The following GRAMD1B variants were observed in gnomAD, a reference collection of about 807,000 sequenced individuals.
The protein encoded by GRAMD1B is protein Aster-B.
Under a neutral mutation model 99.7 loss-of-function variants are expected in GRAMD1B, and 37 were observed. The observed-to-expected ratio is 0.37, with a 90% CI of 0.29 to 0.49. GRAMD1B has a LOEUF of 0.49. Among genes scored for constraint, GRAMD1B ranks in the 20% least tolerant of loss-of-function variants. The probability of loss-of-function intolerance (pLI) is 0.98; values close to 1 mark genes in which losing one functional copy is unlikely to be tolerated. For synonymous variants in GRAMD1B, 427 were observed against 387.6 expected (o/e 1.10, Z -1.19); for missense variants, 888 against 1,009.2 (o/e 0.88, Z 1.63).
intron 1 of GRAMD1B, among the ~76,000 whole-genome samples, chr11:123,449,036 G>A (rs1311100587): frequency 6.6e-6 from 1 of 152,162 alleles, no homozygotes; most frequent in Non-Finnish European, 1.5e-5. Flanking sequence ...CTTATTTCCA[G>A]GTTTCATCAA....
At chr11:123,408,820 G>A (rs966874386) in intron 1 of GRAMD1B, among the ~76,000 whole-genome samples, 3 of 152,300 alleles carry the variant, frequency 2.0e-5, no homozygotes, top group East Asian at 1.9e-4. Context: ...GCCTCCTAAC[G>A]CTGATGCTGA....
intron 8 of GRAMD1B, among the ~76,000 whole-genome samples, chr11:123,602,427 T>G (rs2136760965): frequency 6.6e-6 from 1 of 152,274 alleles, no homozygotes; most frequent in Non-Finnish European, 1.5e-5. Flanking sequence ...AACGTGCAGG[T>G]TAGTTCTATG....
intron 7 of GRAMD1B, chr11:123,597,842 A>C (rs1148099): frequency 0.88 from 604,553 of 686,106 alleles, 266,951 homozygotes; most frequent in East Asian, 0.99. Context: ...CATGAAACTA[A>C]GTAGCAAAAG....
chr11:123,386,978 G>T (rs1947086891), intron 1 of GRAMD1B, among the ~76,000 whole-genome samples: 2 of 152,218 alleles, frequency 1.3e-5, no homozygotes, highest in Non-Finnish European at 2.9e-5. Flanking sequence ...GGAATGCCTA[G>T]TCCATTTCAT....
Position 123,584,309 on chromosome 11 carries a change from C to T in GRAMD1B, c.664-3C>T. ...TACCTTCTCTTTCATTTTCTCTTTT[C>T]AGAAAAGCCAGAGTTGGTATAATGT... On this transcript the variant is annotated splice_region_variant and splice_polypyrimidine_tract_variant and intron_variant, in intron 3 of 19. Transcript: ENST00000635736. 1.0e-6 allele frequency: 1 copy of T among 961,196 alleles called. No homozygotes were observed. Among genetic ancestry groups the T allele is most frequent in the Non-Finnish European group, 1.3e-6 (1 of 768,874 alleles). 59.5% of individuals were successfully genotyped at this position (961,196 alleles called of 1,614,324 possible).
chr11:123,555,131 G>A (rs1946046691), intron 2 of GRAMD1B, among the ~76,000 whole-genome samples: 1 of 152,196 alleles, frequency 6.6e-6, no homozygotes, highest in Admixed American at 6.5e-5. Context: ...CGGCAAAGAA[G>A]AAACGTTGAC....
At chr11:123,556,250 A>G (rs1946169783) in intron 2 of GRAMD1B, among the ~76,000 whole-genome samples, 1 of 152,242 alleles carries the variant, frequency 6.6e-6, no homozygotes, top group South Asian at 2.1e-4. Flanking sequence ...CCATGATTCA[A>G]CAAATTCAGA....
At chr11:123,604,759 G>A (rs1183299795) in intron 9 of GRAMD1B, among the ~76,000 whole-genome samples, 1 of 152,216 alleles carries the variant, frequency 6.6e-6, no homozygotes, top group African/African-American at 2.4e-5. Flanking sequence ...GCTGATGATT[G>A]CTCCCTTAGA....
chr11:123,539,560 C>G (rs1022045782), intron 2 of GRAMD1B, among the ~76,000 whole-genome samples: 1 of 152,128 alleles, frequency 6.6e-6, no homozygotes, highest in Non-Finnish European at 1.5e-5. Context: ...CATAATCACA[C>G]CACTGCACTC....
At chr11:123,391,351 T>C (rs1001078616) in intron 1 of GRAMD1B, among the ~76,000 whole-genome samples, 1 of 152,244 alleles carries the variant, frequency 6.6e-6, no homozygotes, top group African/African-American at 2.4e-5. Context: ...TCAGACCTTG[T>C]ATAATCTATT....
chr11:123,434,194 C>T (rs1235905556), intron 1 of GRAMD1B, among the ~76,000 whole-genome samples: 1 of 134,552 alleles, frequency 7.4e-6, no homozygotes, highest in East Asian at 2.4e-4. Context: ...CTCGCCACTG[C>T]ACTCCAGCCT....
chr11:123,376,761 A>G (rs1299639416), intron 1 of GRAMD1B, among the ~76,000 whole-genome samples: 3 of 152,172 alleles, frequency 2.0e-5, no homozygotes, highest in African/African-American at 7.2e-5. Flanking sequence ...AAGTTCTCAG[A>G]TAAGGGATGT....
At chr11:123,374,995 A>AG (rs1946646023) in intron 1 of GRAMD1B, among the ~76,000 whole-genome samples, 3 of 152,182 alleles carry the variant, frequency 2.0e-5, no homozygotes, top group Admixed American at 2.0e-4. Flanking sequence ...CGTCACTAAC[A>AG]ATCTTTTACT....
chr11:123,462,896 A>AAT (rs1555126036), intron 1 of GRAMD1B, among the ~76,000 whole-genome samples: 196 of 148,318 alleles, frequency 1.3e-3, no homozygotes, highest in Middle Eastern at 3.5e-3. Flanking sequence ...TAAATTAAAA[A>AAT]AAAAAAAAAA....
intron 4 of GRAMD1B, among the ~76,000 whole-genome samples, chr11:123,585,041 G>A (rs1949926676): frequency 1.3e-5 from 2 of 152,206 alleles, no homozygotes; most frequent in African/African-American, 4.8e-5. Context: ...GCTGGCCCCC[G>A]CCGTGTGTTC....
intron 1 of GRAMD1B, among the ~76,000 whole-genome samples, chr11:123,457,878 C>T (rs1950231167): frequency 6.6e-6 from 1 of 151,990 alleles, no homozygotes; most frequent in South Asian, 2.1e-4. Context: ...CCGCACCTGG[C>T]TAATTTCTCC....
At chr11:123,399,462 G>A (rs1947579914) in intron 1 of GRAMD1B, among the ~76,000 whole-genome samples, 1 of 152,130 alleles carries the variant, frequency 6.6e-6, no homozygotes. Context: ...AAGTGGGATT[G>A]CTGGATCATA....
intron 1 of GRAMD1B, chr11:123,459,092 T>A (rs746253343): frequency 3.3e-5 from 5 of 152,210 alleles, no homozygotes; most frequent in Admixed American, 6.5e-5. Context: ...GCAGAGGCTG[T>A]GTAGATGACA....
chr11:123,406,046 G>T (rs55741849), intron 1 of GRAMD1B, among the ~76,000 whole-genome samples: 20,995 of 143,144 alleles, frequency 0.15, 2,132 homozygotes, highest in African/African-American at 0.3. Flanking sequence ...ACAGAGTCTT[G>T]CTCTGTTGCC....
Sources: allele counts gnomAD v4.1 joint callset (sites outside exome capture counted in the v4.1 genomes callset), GRCh38; gene constraint gnomAD v4.1.1; transcripts MANE v1.5; gene names NCBI Gene and HGNC (gene_info 2026-07-23, HGNC 2026-07-21).